GTF2A1: variants seen among roughly 807,000 people sequenced by gnomAD.
GTF2A1 encodes the protein general transcription factor IIA subunit 1.
GTF2A1 carries 12 observed loss-of-function variants against 54.1 expected under a neutral mutation model. The ratio of observed to expected loss-of-function variants is 0.22; its 90% confidence interval spans 0.14 to 0.36. GTF2A1 has a LOEUF of 0.36. Among genes scored for constraint, GTF2A1 ranks in the 10% least tolerant of loss-of-function variants. The probability of loss-of-function intolerance (pLI) is 1.00; values close to 1 mark genes in which losing one functional copy is unlikely to be tolerated. For missense variants in GTF2A1, 335 were observed against 442.2 expected (o/e 0.76, Z 2.17); for synonymous variants, 145 against 152.0 (o/e 0.95, Z 0.34).
rs1042036393 is a variant in GTF2A1 at position 81,175,799 on chromosome 14, GTTAA to G, written c.*4420_*4423del. The G allele has an allele frequency of 1.3e-5, 2 of 152,164 alleles. No individual in the cohort carries two copies. The highest frequency in any genetic ancestry group is 4.8e-5 in the African/African-American group (2 of 41,492). 9.4% of individuals were successfully genotyped at this position (152,164 alleles called of 1,614,324 possible). A position where few individuals can be genotyped will look rare whatever the true frequency, so the allele number is the denominator to read the frequency against. On this transcript the variant is annotated 3_prime_UTR_variant, in exon 9 of 9. Transcript: ENST00000553612. ...TAGAAATACTTATTTAATACAATAT[GTTAA>G]TTATTAATATTTCACAAGGAGTAAT... is the stretch of plus-strand genomic sequence containing the variant.
chr14:81,212,389 C>G (rs995395668), intron 2 of GTF2A1, among the ~76,000 whole-genome samples: 3 of 152,100 alleles, frequency 2.0e-5, no homozygotes, highest in Non-Finnish European at 2.9e-5. Flanking sequence ...TACTGAAAAC[C>G]AGGGCTGTAT....
intron 6 of GTF2A1, 111 bp from the exon 7 acceptor site, chr14:81,192,950 A>G: frequency 3.0e-6 from 2 of 676,686 alleles, no homozygotes; most frequent in Admixed American, 5.3e-5. Flanking sequence ...TTTCATACAC[A>G]GTTAAAAACT....
Position 81,220,551 on chromosome 14 carries a change from C to A in GTF2A1, c.-33G>T, listed in dbSNP as rs746738165. 1 of 1,535,376 alleles carries A rather than the reference C, an allele frequency of 6.5e-7. No individual in the cohort carries two copies. The highest frequency in any genetic ancestry group is 8.8e-7 in the Non-Finnish European group (1 of 1,134,444). On this transcript the variant is annotated 5_prime_UTR_variant, in exon 1 of 9. Transcript: ENST00000553612. ...CACAACACAAACAAGAGGGGGCAAC[C>A]CCAAGAAAACAAGATAAAAACAAAA...
Position 81,177,565 on chromosome 14 carries a change from C to T in GTF2A1, c.*2658G>A, listed in dbSNP as rs779364994. 6.6e-6 allele frequency: 1 copy of T among 152,120 alleles called. No homozygotes were observed. Among genetic ancestry groups the T allele is most frequent in the Non-Finnish European group, 1.5e-5 (1 of 67,976 alleles). The allele number at this position is 152,120 out of a possible 1,614,324, so 9.4% of individuals were successfully genotyped here. A position where few individuals can be genotyped will look rare whatever the true frequency, so the allele number is the denominator to read the frequency against. On this transcript the variant is annotated 3_prime_UTR_variant, in exon 9 of 9. Transcript: ENST00000553612. ...TGTTAATTTAAGTAAAAGGTGCCAT[C>T]GCCATCTGTGCAAATCTAAACAAAT...
chr14:81,192,615 T>C lies in GTF2A1; in HGVS notation c.837A>G (p.Thr279=). The change falls in exon 7 of 9, where the codon ACA becomes ACG. Residue 279 remains threonine (T), a synonymous_variant. Transcript: ENST00000553612. ...LVLQVDGTGD[T]SSEEDEDEEE... ...CTTCATCTTCATCTTCTTCAGATGA[T>C]GTATCCCCAGTTCCATCAACTTGTA... The C allele has an allele frequency of 3.1e-6, 5 of 1,611,630 alleles. No homozygotes were observed. Among genetic ancestry groups the C allele is most frequent in the Non-Finnish European group, 4.2e-6 (5 of 1,177,674 alleles).
At chr14:81,196,337 A>G (rs984504033) in intron 5 of GTF2A1, 96 bp from the exon 6 acceptor site, 1 of 1,251,274 alleles carries the variant, frequency 8.0e-7, no homozygotes, top group Non-Finnish European at 1.2e-6. Context: ...CAAAGGCACA[A>G]GAAATTATCA....
chr14:81,196,301 T>A, intron 5 of GTF2A1, 60 bp from the exon 6 acceptor site: 1 of 1,546,020 alleles, frequency 6.5e-7, no homozygotes, highest in Non-Finnish European at 8.9e-7. Flanking sequence ...TCAAAAGAAA[T>A]GAATTCATAT....
rs1236065605 is a variant in GTF2A1 at position 81,175,511 on chromosome 14, G to C, written c.*4712C>G. 1 of 152,120 alleles carries C rather than the reference G, an allele frequency of 6.6e-6. No individual in the cohort carries two copies. The highest frequency in any genetic ancestry group is 1.5e-5 in the Non-Finnish European group (1 of 68,010). 9.4% of individuals were successfully genotyped at this position (152,120 alleles called of 1,614,324 possible). On this transcript the variant is annotated 3_prime_UTR_variant, in exon 9 of 9. Coordinates refer to ENST00000553612, the MANE Select transcript of GTF2A1 (RefSeq NM_015859.4). ...TTATGTTAATAGTTAAAATTTGCATGTTTTCTAGATAGTCTGTTAACAGGA... is the reference window on the plus strand; with the variant it reads ...TTATGTTAATAGTTAAAATTTGCATCTTTTCTAGATAGTCTGTTAACAGGA...
intron 8 of GTF2A1, among the ~76,000 whole-genome samples, chr14:81,182,816 C>T (rs1396644329): frequency 1.3e-5 from 2 of 152,178 alleles, no homozygotes; most frequent in Non-Finnish European, 2.9e-5. Context: ...TCTCTACCTA[C>T]TACTGTACTC....
At position 81,220,800 on chromosome 14, in the gene GTF2A1, G is replaced by A. The variant is rs904848774; in HGVS notation, c.-282C>T. ...GGGGGCGTTGCCCGCTCCCCACCCC[G>A]CGCCAAGGAGGGAAACCACCACCGG... On this transcript the variant is annotated 5_prime_UTR_variant, in exon 1 of 9. Coordinates refer to ENST00000553612, the MANE Select transcript of GTF2A1 (RefSeq NM_015859.4). 2.0e-4 allele frequency: 68 copies of A among 339,700 alleles called. No homozygotes were observed. Among genetic ancestry groups the A allele is most frequent in the African/African-American group, 1.3e-3 (62 of 46,126 alleles). The allele number at this position is 339,700 out of a possible 1,614,324, so 21.0% of individuals were successfully genotyped here.
chr14:81,185,493 C>T, intron 8 of GTF2A1, 38 bp downstream of exon 8: 1 of 1,114,892 alleles, frequency 9.0e-7, no homozygotes, highest in South Asian at 1.3e-5. Flanking sequence ...GAAATTACAA[C>T]ACAAATAACG....
At chr14:81,203,812 A>G (rs575030250) in intron 3 of GTF2A1, 88 bp downstream of exon 3, 2 of 1,163,770 alleles carry the variant, frequency 1.7e-6, no homozygotes, top group Admixed American at 1.7e-5. Flanking sequence ...TTAAAAGACA[A>G]GATCCAAAAA....
In GTF2A1 at chr14:81,216,640, GACC is replaced by G. The variant is rs1166008100; in HGVS notation, c.31-129_31-127del. On this transcript the variant is annotated intron_variant, in intron 1 of 8. Coordinates refer to ENST00000553612, the MANE Select transcript of GTF2A1 (RefSeq NM_015859.4). ...TATCTATATATGACTTTAAAGATAC[GACC>G]ACCATCATTTGCCATAAACTGGATT... 1.1e-4 allele frequency: 61 copies of G among 531,506 alleles called. No individual in the cohort carries two copies. In the African/African-American group the frequency reaches 1.2e-3, roughly 10 times the overall value. 32.9% of individuals were successfully genotyped at this position (531,506 alleles called of 1,614,324 possible).
chr14:81,207,967 A>C (rs1893278694), intron 2 of GTF2A1, among the ~76,000 whole-genome samples: 2 of 152,338 alleles, frequency 1.3e-5, no homozygotes, highest in South Asian at 4.1e-4. Flanking sequence ...CAAAGCATAG[A>C]AGTTCAGAAA....
Position 81,180,258 on chromosome 14 carries a change from T to C in GTF2A1, c.1096A>G (p.Ile366Val). Reference sequence around the variant, plus strand: ...GCATCTCCAATGGCTTTGGAAAATATATAATCTCTTCCATTAAGATTCATA... The same window carrying C: ...GCATCTCCAATGGCTTTGGAAAATACATAATCTCTTCCATTAAGATTCATA... Reference protein sequence around the residue: ...GIMNLNGRDYIFSKAIGDAEW With the variant: ...GIMNLNGRDYVFSKAIGDAEW Residue 366 changes from isoleucine to valine, a missense_variant, in exon 9 of 9, where the codon ATA becomes GTA. Transcript: ENST00000553612. 2.0e-6 allele frequency: 3 copies of C among 1,481,190 alleles called. No individual in the cohort carries two copies. Among genetic ancestry groups the C allele is most frequent in the South Asian group, 1.2e-5 (1 of 82,522 alleles). The allele number at this position is 1,481,190 out of a possible 1,614,324, so 91.8% of individuals were successfully genotyped here.
In GTF2A1 at chr14:81,197,452, G is replaced by A. The variant is rs1216444908; in HGVS notation, c.435C>T (p.Leu145=). ...SAAATAATLA[L]PAGVTPVQQI... ...GCTGAACAGGAGTCACACCTGCAGG[G>A]AGTGCTAAGGTAGCAGCTGTAGCAG... The change falls in exon 5 of 9, where the codon CTC becomes CTT. Residue 145 remains leucine, a synonymous_variant. Coordinates refer to ENST00000553612, the MANE Select transcript of GTF2A1 (RefSeq NM_015859.4). The A allele has an allele frequency of 1.3e-6, 2 of 1,590,958 alleles. No individual in the cohort carries two copies. The highest frequency in any genetic ancestry group is 2.2e-5 in the East Asian group (1 of 44,632).
intron 4 of GTF2A1, among the ~76,000 whole-genome samples, chr14:81,201,231 T>C (rs1893103282): frequency 6.6e-6 from 1 of 152,200 alleles, no homozygotes; most frequent in Non-Finnish European, 1.5e-5. Context: ...TCTTCATTTT[T>C]TAAAAGTTCA....
chr14:81,197,555 A>C (rs1016933207), intron 4 of GTF2A1, 71 bp from the exon 5 acceptor site: 2 of 829,198 alleles, frequency 2.4e-6, no homozygotes, highest in Admixed American at 2.6e-5. Context: ...GCATATTTTA[A>C]TAGTGTATGA....
At chr14:81,200,088 A>T (rs1263910061) in intron 4 of GTF2A1, among the ~76,000 whole-genome samples, 1 of 152,214 alleles carries the variant, frequency 6.6e-6, no homozygotes, top group Non-Finnish European at 1.5e-5. Context: ...AGAAACTGCA[A>T]CTACAAGTAC....
Sources: allele counts gnomAD v4.1 joint callset (sites outside exome capture counted in the v4.1 genomes callset), GRCh38; gene constraint gnomAD v4.1.1; transcripts MANE v1.5; gene names NCBI Gene and HGNC (gene_info 2026-07-23, HGNC 2026-07-21).